Variants in GXYLT2 observed in about 807,000 individuals in gnomAD.
GXYLT2 encodes the protein glycosyltransferase 8 domain containing 4.
Under a neutral mutation model 45.8 loss-of-function variants are expected in GXYLT2, and 53 were observed. The observed-to-expected ratio is 1.16, with a 90% confidence interval of 0.93 to 1.46. The LOEUF is 1.46. Among genes scored for constraint, GXYLT2 ranks in the 40% most tolerant of loss-of-function variants. The pLI is 0.00. For missense variants in GXYLT2, 551 were observed against 544.4 expected (o/e 1.01, Z -0.12); for synonymous variants, 219 against 214.2 (o/e 1.02, Z -0.19).
chr3:72,910,224 G>A lies in GXYLT2; in HGVS notation c.468+1665G>A, dbSNP rs78252190. On this transcript the variant is annotated intron_variant, in intron 2 of 6. Coordinates refer to ENST00000389617, the MANE Select transcript of GXYLT2 (RefSeq NM_001080393.2). Reference sequence around the variant, plus strand: ...TCTTCAAAGGTAACCTTTGAAGAAGGTAATTATTATGTCCCAATTTTACAG... The same window carrying A: ...TCTTCAAAGGTAACCTTTGAAGAAGATAATTATTATGTCCCAATTTTACAG... Among the ~76,000 whole-genome samples the A allele has an allele frequency of 1.5e-3, 227 of 152,218 alleles. 4 individuals carry two copies. In the East Asian group the frequency reaches 0.034, roughly 23 times the overall value.
intron 1 of GXYLT2, among the ~76,000 whole-genome samples, chr3:72,890,694 T>A (rs763194536): frequency 6.6e-6 from 1 of 152,246 alleles, no homozygotes. Context: ...CATCTTTTTG[T>A]GTCTATCTGA....
chr3:72,902,086 T>C (rs963187930), intron 1 of GXYLT2, among the ~76,000 whole-genome samples: 6 of 150,932 alleles, frequency 4.0e-5, no homozygotes, highest in African/African-American at 9.9e-5. Context: ...AGTTTACCAG[T>C]TGATGGACAT....
chr3:72,969,352 C>A (rs949560989), intron 6 of GXYLT2, among the ~76,000 whole-genome samples: 3 of 149,018 alleles, frequency 2.0e-5, no homozygotes, highest in Non-Finnish European at 4.4e-5. Flanking sequence ...ATGATTGCAC[C>A]ACTTCACTCC....
intron 1 of GXYLT2, among the ~76,000 whole-genome samples, chr3:72,900,084 G>A (rs1214410782): frequency 6.6e-6 from 1 of 152,044 alleles, no homozygotes; most frequent in Non-Finnish European, 1.5e-5. Context: ...CAGAAAAGAG[G>A]GTCTGAGTAG....
chr3:72,909,056 TCC>T (rs1709565505), intron 2 of GXYLT2, among the ~76,000 whole-genome samples: 1 of 140,260 alleles, frequency 7.1e-6, no homozygotes, highest in African/African-American at 2.8e-5. Flanking sequence ...CTTTCTTTCT[TCC>T]TTTCTTTTTT....
At chr3:72,951,740 G>A (rs1710530078) in intron 3 of GXYLT2, among the ~76,000 whole-genome samples, 1 of 152,172 alleles carries the variant, frequency 6.6e-6, no homozygotes, top group Non-Finnish European at 1.5e-5. Flanking sequence ...AGTTTAAGAA[G>A]CAGTCAATAT....
At chr3:72,930,237 A>G (rs563148549) in intron 3 of GXYLT2, among the ~76,000 whole-genome samples, 6 of 151,758 alleles carry the variant, frequency 4.0e-5, no homozygotes, top group South Asian at 2.1e-4. Context: ...TGTGCTCTCT[A>G]TAGGAGGTGT....
chr3:72,903,489 T>C (rs1233971950), intron 1 of GXYLT2, among the ~76,000 whole-genome samples: 1 of 152,182 alleles, frequency 6.6e-6, no homozygotes, highest in African/African-American at 2.4e-5. Flanking sequence ...TGACCATAGC[T>C]GAACTATGGG....
intron 2 of GXYLT2, among the ~76,000 whole-genome samples, chr3:72,920,819 T>TATATATATGTA (rs1491486551): frequency 6.2e-5 from 6 of 96,546 alleles, no homozygotes; most frequent in African/African-American, 4.0e-4. Context: ...TATATATGTA[T>TATATATATGTA]TTTTTTTTTT....
chr3:72,968,306 C>A (rs1468754291), intron 6 of GXYLT2, among the ~76,000 whole-genome samples: 1 of 152,126 alleles, frequency 6.6e-6, no homozygotes, highest in Admixed American at 6.6e-5. Flanking sequence ...AACTTCTGTG[C>A]CTTTTGCCAT....
intron 3 of GXYLT2, among the ~76,000 whole-genome samples, chr3:72,951,616 C>T (rs6762394): frequency 0.16 from 24,195 of 152,000 alleles, 2,597 homozygotes; most frequent in East Asian, 0.31. Flanking sequence ...ACTCACGATT[C>T]TTAAGTGCTG....
chr3:72,963,035 G>C (rs1359095982), intron 5 of GXYLT2, among the ~76,000 whole-genome samples: 6 of 151,964 alleles, frequency 3.9e-5, no homozygotes, highest in African/African-American at 1.4e-4. Flanking sequence ...AGCGAGGCCG[G>C]GTGTGGGAGC....
At chr3:72,952,936 AG>A (rs1202807658) in intron 3 of GXYLT2, among the ~76,000 whole-genome samples, 1 of 152,188 alleles carries the variant, frequency 6.6e-6, no homozygotes, top group African/African-American at 2.4e-5. Context: ...CCAAGGATAC[AG>A]GAAGATTCAA....
chr3:72,965,810 C>A (rs1411993028), intron 5 of GXYLT2, among the ~76,000 whole-genome samples: 1 of 152,064 alleles, frequency 6.6e-6, no homozygotes, highest in Admixed American at 6.6e-5. Context: ...AGGGAGGGGG[C>A]AAAATTGCCC....
intron 3 of GXYLT2, among the ~76,000 whole-genome samples, chr3:72,946,401 G>C (rs1183596965): frequency 6.6e-6 from 1 of 151,316 alleles, no homozygotes; most frequent in Non-Finnish European, 1.5e-5. Context: ...AGAAGACTAA[G>C]TCATTCCAGA....
intron 1 of GXYLT2, among the ~76,000 whole-genome samples, chr3:72,899,933 T>A (rs759463200): frequency 6.6e-6 from 1 of 152,184 alleles, no homozygotes; most frequent in Non-Finnish European, 1.5e-5. Flanking sequence ...GCCAACAGCA[T>A]GGGTTAGGGC....
At chr3:72,945,498 A>G (rs1191542921) in intron 3 of GXYLT2, among the ~76,000 whole-genome samples, 1 of 152,146 alleles carries the variant, frequency 6.6e-6, no homozygotes, top group Admixed American at 6.5e-5. Context: ...CAAGCAACAG[A>G]TGAGAAAATA....
intron 1 of GXYLT2, among the ~76,000 whole-genome samples, chr3:72,902,824 C>A (rs1302177753): frequency 1.3e-5 from 2 of 152,048 alleles, no homozygotes; most frequent in African/African-American, 4.8e-5. Context: ...ACCAGCCTGG[C>A]CAAGATGATG....
At chr3:72,963,997 C>T (rs1710815174) in intron 5 of GXYLT2, among the ~76,000 whole-genome samples, 2 of 151,230 alleles carry the variant, frequency 1.3e-5, no homozygotes, top group Admixed American at 1.3e-4. Flanking sequence ...TTTGTAGAGA[C>T]GGGAGTCTCG....
Sources: gnomAD v4.1 joint callset for allele counts (sites outside exome capture counted in the v4.1 genomes callset) on GRCh38, gnomAD v4.1.1 for gene constraint, MANE v1.5 for transcripts, NCBI Gene and HGNC (gene_info 2026-07-23, HGNC 2026-07-21) for gene names.